Variants in TSPAN12 observed in about 807,000 individuals in gnomAD.
TSPAN12 encodes tetraspanin-12.
Under a neutral mutation model 39.2 loss-of-function variants are expected in TSPAN12, and 19 were observed. The observed-to-expected ratio is 0.49, with a 90% confidence interval of 0.34 to 0.71. The LOEUF is 0.71. TSPAN12 is among the 30% of genes least tolerant of loss of function. TSPAN12 has a pLI of 0.01. For synonymous variants in TSPAN12, 119 were observed against 124.8 expected (o/e 0.95, Z 0.31); for missense variants, 314 against 359.9 (o/e 0.87, Z 1.03).
intron 5 of TSPAN12, among the ~76,000 whole-genome samples, chr7:120,811,494 C>A (rs1292040360): frequency 6.6e-6 from 1 of 151,832 alleles, no homozygotes; most frequent in Non-Finnish European, 1.5e-5. Context: ...CAGTGAAACC[C>A]CGTCTCTACT....
intron 4 of TSPAN12, among the ~76,000 whole-genome samples, chr7:120,832,830 A>G (rs1794412174): frequency 1.3e-5 from 2 of 152,286 alleles, no homozygotes; most frequent in East Asian, 3.9e-4. Flanking sequence ...TGATAACTAC[A>G]GTAGAAATTT....
rs73721470 is a variant in TSPAN12, at chr7:120,818,016, G to A, written c.286-2213C>T. Among the ~76,000 whole-genome samples, 980 of 152,194 alleles carry A rather than the reference G, an allele frequency of 6.4e-3. 13 individuals carry two copies. The highest frequency in any genetic ancestry group is 0.022 in the African/African-American group (927 of 41,518). On this transcript the variant is annotated intron_variant, in intron 4 of 7. Coordinates refer to ENST00000222747, the MANE Select transcript of TSPAN12 (RefSeq NM_012338.4). ...TACCTTGGACTGGGTGATCAGGGAA[G>A]GTCTTTTGATAAAGGTGATCTTTAA...
At chr7:120,814,923 C>T (rs1341819798) in intron 5 of TSPAN12, among the ~76,000 whole-genome samples, 3 of 152,148 alleles carry the variant, frequency 2.0e-5, no homozygotes, top group Admixed American at 6.5e-5. Context: ...TTCTGCCTGT[C>T]GCAAACAGGA....
chr7:120,857,588 C>G lies in TSPAN12; in HGVS notation c.-71+232G>C, dbSNP rs6969399. 7.6e-3 allele frequency among the ~76,000 whole-genome samples: 1,159 copies of G among 152,220 alleles called. 12 individuals are homozygous for G. The highest frequency in any genetic ancestry group is 0.026 in the African/African-American group (1,082 of 41,558). The stretch of plus-strand genomic sequence containing the variant: ...GTCATTCAAACCCCGCTTCCCCCGC[C>G]CGGGACGCTCCCGCGACCCCTCGCT... On this transcript the variant is annotated intron_variant, in intron 1 of 7. Coordinates refer to ENST00000222747, the MANE Select transcript of TSPAN12 (RefSeq NM_012338.4).
At chr7:120,806,728 C>T (rs764863959) in intron 6 of TSPAN12, 36 bp from the exon 7 acceptor site, 57 of 1,612,158 alleles carry the variant, frequency 3.5e-5, no homozygotes, top group Non-Finnish European at 4.3e-5. Flanking sequence ...TCAGAAACCA[C>T]AAAAATATTT....
rs140193955 is a variant in TSPAN12 at position 120,792,023 on chromosome 7, T to C, written c.613-3126A>G. 1.4e-4 allele frequency among the ~76,000 whole-genome samples: 22 copies of C among 152,282 alleles called. No homozygotes were observed. The East Asian group carries it at 3.7e-3, about 25-fold the overall frequency. Reference sequence around the variant, plus strand: ...TCAATTTTTCTAGAATTCTGGAAATTAACCAAAGTCTTGCGGCAATCTGAG... The same window carrying C: ...TCAATTTTTCTAGAATTCTGGAAATCAACCAAAGTCTTGCGGCAATCTGAG... On this transcript the variant is annotated intron_variant, in intron 7 of 7. Transcript: ENST00000222747.
At chr7:120,806,026 C>A (rs969758693) in intron 7 of TSPAN12, among the ~76,000 whole-genome samples, 1 of 152,118 alleles carries the variant, frequency 6.6e-6, no homozygotes, top group African/African-American at 2.4e-5. Flanking sequence ...ATTGACTTTA[C>A]CGCCACTGAG....
At chr7:120,803,762 C>T (rs1793817926) in intron 7 of TSPAN12, among the ~76,000 whole-genome samples, 1 of 152,104 alleles carries the variant, frequency 6.6e-6, no homozygotes, top group Non-Finnish European at 1.5e-5. Flanking sequence ...TATCAACTTG[C>T]ACATGCACAA....
intron 7 of TSPAN12, among the ~76,000 whole-genome samples, chr7:120,804,244 G>C (rs539486680): frequency 1.4e-4 from 22 of 152,188 alleles, no homozygotes; most frequent in Admixed American, 3.3e-4. Context: ...CTAATAGTAA[G>C]TTATAGTATA....
At chr7:120,796,162 A>G (rs1270551549) in intron 7 of TSPAN12, among the ~76,000 whole-genome samples, 5 of 152,198 alleles carry the variant, frequency 3.3e-5, no homozygotes, top group African/African-American at 1.2e-4. Context: ...GAAGGAGCAG[A>G]GTTTATTCAC....
chr7:120,829,309 A>G (rs1445630861), intron 4 of TSPAN12, among the ~76,000 whole-genome samples: 3 of 152,206 alleles, frequency 2.0e-5, no homozygotes, highest in African/African-American at 7.2e-5. Context: ...TAGTTTCAAG[A>G]AAAAGCTTTC....
intron 2 of TSPAN12, among the ~76,000 whole-genome samples, chr7:120,853,528 A>T (rs1211611442): frequency 1.3e-5 from 2 of 148,858 alleles, no homozygotes; most frequent in Non-Finnish European, 3.0e-5. Context: ...ATATATTTAT[A>T]TTTATTTTTA....
Position 120,810,080 on chromosome 7 carries a change from C to A in TSPAN12, c.468+383G>T, listed in dbSNP as rs1446313850. On this transcript the variant is annotated intron_variant, in intron 6 of 7. Coordinates refer to ENST00000222747, the MANE Select transcript of TSPAN12 (RefSeq NM_012338.4). ...CTTCAAAGTCCCAAATGAGAACAATCATTTTTTTTAAAACTAAAATTATGT... is the reference window on the plus strand; with the variant it reads ...CTTCAAAGTCCCAAATGAGAACAATAATTTTTTTTAAAACTAAAATTATGT... 3.3e-5 allele frequency among the ~76,000 whole-genome samples: 5 copies of A among 152,036 alleles called. No homozygotes were observed. The South Asian group carries it at 8.3e-4, about 25-fold the overall frequency.
intron 4 of TSPAN12, among the ~76,000 whole-genome samples, chr7:120,837,322 T>A (rs894224370): frequency 1.5e-4 from 23 of 151,406 alleles, no homozygotes; most frequent in African/African-American, 5.6e-4. Context: ...TTTATTTTTT[T>A]TTTTTTTGAG....
At chr7:120,818,931 T>C (rs964962458) in intron 4 of TSPAN12, among the ~76,000 whole-genome samples, 1 of 152,104 alleles carries the variant, frequency 6.6e-6, no homozygotes, top group African/African-American at 2.4e-5. Flanking sequence ...CTTTAATGCT[T>C]TACTTAAGAG....
chr7:120,810,224 A>C (rs1366705457), intron 6 of TSPAN12, among the ~76,000 whole-genome samples: 1 of 152,240 alleles, frequency 6.6e-6, no homozygotes, highest in Non-Finnish European at 1.5e-5. Flanking sequence ...ATGGCTTTTC[A>C]GATGTTCTTA....
chr7:120,820,346 C>G (rs115211919), intron 4 of TSPAN12, among the ~76,000 whole-genome samples: 2,306 of 152,156 alleles, frequency 0.015, 33 homozygotes, highest in African/African-American at 0.038. Flanking sequence ...TTGCCATCAA[C>G]GTAGATTTGA....
chr7:120,810,600 TG>T, intron 5 of TSPAN12, 30 bp from the exon 6 acceptor site: 2 of 1,212,542 alleles, frequency 1.6e-6, no homozygotes, highest in Non-Finnish European at 2.4e-6. Context: ...TATCAACAGC[TG>T]TAGCTCACAC....
At chr7:120,842,713 G>A (rs1421455931) in intron 2 of TSPAN12, among the ~76,000 whole-genome samples, 1 of 152,098 alleles carries the variant, frequency 6.6e-6, no homozygotes, top group Non-Finnish European at 1.5e-5. Context: ...CAGTTTAAAT[G>A]TCTGAACTAT....
Sources: allele counts gnomAD v4.1 joint callset (sites outside exome capture counted in the v4.1 genomes callset), GRCh38; gene constraint gnomAD v4.1.1; transcripts MANE v1.5; gene names NCBI Gene and HGNC (gene_info 2026-07-23, HGNC 2026-07-21).